Variants in CACNA1A observed in about 807,000 individuals in gnomAD.
The protein encoded by CACNA1A is voltage-dependent P/Q-type calcium channel subunit alpha-1A.
CACNA1A carries 57 observed loss-of-function variants against 262.4 expected under a neutral mutation model. The observed-to-expected ratio is 0.22, with a 90% confidence interval of 0.18 to 0.27. CACNA1A has a LOEUF of 0.27. Among genes scored for constraint, CACNA1A ranks in the 10% least tolerant of loss-of-function variants. CACNA1A has a pLI of 1.00. For missense variants in CACNA1A, 2,526 were observed against 3,562.8 expected (o/e 0.71, Z 7.41); for synonymous variants, 1,431 against 1,419.3 (o/e 1.01, Z -0.18).
intron 17 of CACNA1A, among the ~76,000 whole-genome samples, 180 bp downstream of exon 17, chr19:13,303,366 C>T (rs2057827766): frequency 6.6e-6 from 1 of 152,108 alleles, no homozygotes; most frequent in Admixed American, 6.5e-5. Context: ...TGATGAGGGA[C>T]AGTCTGTTTC....
At chr19:13,402,761 TATATATACATATATATACATATATATAC>T (rs1568610448) in intron 3 of CACNA1A, among the ~76,000 whole-genome samples, 22 of 130,202 alleles carry the variant, frequency 1.7e-4, no homozygotes, top group Non-Finnish European at 3.0e-4. Context: ...TATACACACA[TATATATACATATATATACATATATATAC>T]ATATATACAC....
intron 3 of CACNA1A, among the ~76,000 whole-genome samples, chr19:13,412,720 A>T (rs1351734282): frequency 2.6e-5 from 4 of 151,886 alleles, no homozygotes; most frequent in African/African-American, 9.7e-5. Context: ...CAGGTGATCT[A>T]CCTGTCTCGG....
chr19:13,385,374 C>T (rs1472848885), intron 3 of CACNA1A, among the ~76,000 whole-genome samples: 1 of 151,936 alleles, frequency 6.6e-6, no homozygotes, highest in South Asian at 2.1e-4. Context: ...GGATTACAGG[C>T]ACTTGCCACC....
chr19:13,496,456 T>C (rs1981548197), intron 1 of CACNA1A, among the ~76,000 whole-genome samples: 1 of 152,048 alleles, frequency 6.6e-6, no homozygotes, highest in African/African-American at 2.4e-5. Flanking sequence ...CAATGGGGCA[T>C]AACAAATGAG....
chr19:13,359,862 G>A, intron 5 of CACNA1A, 63 bp from the exon 6 acceptor site: 2 of 1,136,196 alleles, frequency 1.8e-6, no homozygotes. Context: ...CTGAGAAATA[G>A]GGACCAGTGA....
At chr19:13,434,135 A>T (rs946775327) in intron 3 of CACNA1A, among the ~76,000 whole-genome samples, 4 of 152,284 alleles carry the variant, frequency 2.6e-5, no homozygotes, top group Non-Finnish European at 4.4e-5. Context: ...CACACATGTT[A>T]TATCTGTGTT....
At chr19:13,217,568 G>GCACC (rs2055062125) in intron 38 of CACNA1A, among the ~76,000 whole-genome samples, 1 of 152,162 alleles carries the variant, frequency 6.6e-6, no homozygotes, top group Admixed American at 6.6e-5. Context: ...ATGAGGCCTG[G>GCACC]CACCCACTGA....
At position 13,207,282 on chromosome 19, in the gene CACNA1A, G is replaced by A; in HGVS notation, c.*31C>T. 6.6e-7 allele frequency: 1 copy of A among 1,526,228 alleles called. No individual in the cohort carries two copies. Among genetic ancestry groups the A allele is most frequent in the Non-Finnish European group, 8.8e-7 (1 of 1,142,474 alleles). The allele number at this position is 1,526,228 out of a possible 1,614,324, so 94.5% of individuals were successfully genotyped here. A position where few individuals can be genotyped will look rare whatever the true frequency, so the allele number is the denominator to read the frequency against. ...GTGGGGTGTGTGCGTGGGGTGCGTGGGGGGCCGGGCGGGCGCCACCTCGCC... is the reference window on the plus strand; with the variant it reads ...GTGGGGTGTGTGCGTGGGGTGCGTGAGGGGCCGGGCGGGCGCCACCTCGCC... On this transcript the variant is annotated 3_prime_UTR_variant, in exon 47 of 47. Coordinates refer to ENST00000360228, the MANE Select transcript of CACNA1A (RefSeq NM_001127222.2). The surrounding 1 kb of genome is among the most constrained non-coding windows in gnomAD (Gnocchi z 5.7).
At chr19:13,461,340 AAAAAC>A (rs59561044) in intron 1 of CACNA1A, among the ~76,000 whole-genome samples, 3,521 of 148,162 alleles carry the variant, frequency 0.024, 119 homozygotes, top group African/African-American at 0.078. Flanking sequence ...ACTCCGTCTC[AAAAAC>A]AAAACAAAAC....
chr19:13,310,177 G>A (rs1262912033), intron 12 of CACNA1A, among the ~76,000 whole-genome samples: 2 of 151,724 alleles, frequency 1.3e-5, no homozygotes, highest in East Asian at 1.9e-4. Flanking sequence ...AGTTTAAGGC[G>A]GGGCGTGGTG....
intron 5 of CACNA1A, chr19:13,363,866 A>C (rs1432949322): frequency 6.6e-6 from 1 of 152,280 alleles, no homozygotes; most frequent in Admixed American, 6.5e-5. Flanking sequence ...CCAGTGGTCC[A>C]AATACTGAAA....
intron 3 of CACNA1A, among the ~76,000 whole-genome samples, chr19:13,406,411 C>CGACA (rs2060002042): frequency 7.2e-6 from 1 of 138,592 alleles, no homozygotes; most frequent in East Asian, 2.2e-4. Flanking sequence ...GCCAAGATCG[C>CGACA]GACAATGGGC....
intron 3 of CACNA1A, among the ~76,000 whole-genome samples, chr19:13,421,361 TGGGGG>T (rs2060312251): frequency 1.3e-5 from 2 of 152,066 alleles, no homozygotes; most frequent in African/African-American, 4.8e-5. Flanking sequence ...GTTGTAGTCA[TGGGGG>T]ATAGGACAAT....
intron 3 of CACNA1A, among the ~76,000 whole-genome samples, chr19:13,440,330 A>G (rs1442189754): frequency 6.6e-6 from 1 of 152,180 alleles, no homozygotes; most frequent in African/African-American, 2.4e-5. Flanking sequence ...TTTCACCTTC[A>G]ACTTATTAGT....
intron 11 of CACNA1A, among the ~76,000 whole-genome samples, chr19:13,314,429 G>A (rs2058088346): frequency 6.6e-6 from 1 of 152,120 alleles, no homozygotes; most frequent in Non-Finnish European, 1.5e-5. Context: ...AGTCATTACG[G>A]TAGAGCTCTC....
chr19:13,412,940 TGTG>T (rs1010312564), intron 3 of CACNA1A, among the ~76,000 whole-genome samples: 14 of 152,070 alleles, frequency 9.2e-5, no homozygotes, highest in Admixed American at 7.9e-4. Flanking sequence ...GACAAAATGG[TGTG>T]GTTGGAAGTT....
At chr19:13,234,840 C>T (rs1023605981) in intron 34 of CACNA1A, 81 bp downstream of exon 34, 2 of 952,294 alleles carry the variant, frequency 2.1e-6, no homozygotes, top group Non-Finnish European at 1.7e-6. Context: ...GAGGAGGGTA[C>T]ATCCTCTATG....
intron 36 of CACNA1A, among the ~76,000 whole-genome samples, chr19:13,228,005 C>T (rs2055529902): frequency 6.6e-6 from 1 of 150,540 alleles, no homozygotes; most frequent in Admixed American, 6.6e-5. Context: ...CCTCCACCTC[C>T]TGGGCTCAAG....
chr19:13,492,942 G>A (rs1981073812), intron 1 of CACNA1A, among the ~76,000 whole-genome samples: 1 of 152,108 alleles, frequency 6.6e-6, no homozygotes, highest in Non-Finnish European at 1.5e-5. Flanking sequence ...GGGATCAAGG[G>A]GATATAGAAA....
Sources: allele counts gnomAD v4.1 joint callset (sites outside exome capture counted in the v4.1 genomes callset), GRCh38; gene constraint gnomAD v4.1.1; non-coding constraint Gnocchi (gnomAD v3.1); transcripts MANE v1.5; gene names NCBI Gene and HGNC (gene_info 2026-07-23, HGNC 2026-07-21).